The following FANCA variants were observed in gnomAD, a reference collection of about 807,000 sequenced individuals.
FANCA encodes Fanconi anemia group A protein.
Under a neutral mutation model 194.3 loss-of-function variants are expected in FANCA, and 236 were observed. That is an observed-to-expected ratio of 1.21 (90% confidence interval 1.09 to 1.35). The LOEUF (loss-of-function observed/expected upper bound fraction) is 1.35. Ranked by LOEUF, FANCA falls within the 40% of genes most tolerant of loss-of-function variation. The pLI, the probability that FANCA is intolerant of heterozygous loss-of-function variation, is 0.00. For missense variants in FANCA, 2,628 were observed against 1,813.9 expected (o/e 1.45, Z -8.15); for synonymous variants, 1,014 against 715.8 (o/e 1.42, Z -6.65).
At position 89,764,726 on chromosome 16, in the gene FANCA, C is replaced by A. The variant is rs1251694821; in HGVS notation, c.2778+164G>T. On this transcript the variant is annotated intron_variant, in intron 28 of 42. Coordinates refer to ENST00000389301, the MANE Select transcript of FANCA (RefSeq NM_000135.4). Reference sequence around the variant, plus strand: ...AGACAGTCGGCACACGCACCCTAGACTCGAGACGAGGAGACAGTCGGCACA... The same window carrying A: ...AGACAGTCGGCACACGCACCCTAGAATCGAGACGAGGAGACAGTCGGCACA... 4 of 847,124 alleles carry A rather than the reference C, an allele frequency of 4.7e-6. No homozygotes were observed. In the East Asian group the frequency reaches 1.0e-4, roughly 21 times the overall value. The allele number at this position is 847,124 out of a possible 1,614,324, so 52.5% of individuals were successfully genotyped here.
intron 11 of FANCA, among the ~76,000 whole-genome samples, chr16:89,794,035 C>T (rs887733467): frequency 6.6e-6 from 1 of 152,086 alleles, no homozygotes; most frequent in African/African-American, 2.4e-5. Flanking sequence ...CAGGCGTGAG[C>T]CACTGCTCCT....
chr16:89,774,639 A>G (rs919232744), intron 21 of FANCA, among the ~76,000 whole-genome samples: 2 of 149,868 alleles, frequency 1.3e-5, no homozygotes, highest in Non-Finnish European at 3.0e-5. Flanking sequence ...CTGAGGCAGG[A>G]GAATGGCATG....
intron 14 of FANCA, among the ~76,000 whole-genome samples, chr16:89,785,805 C>T (rs575911534): frequency 6.6e-6 from 1 of 151,206 alleles, no homozygotes; most frequent in Admixed American, 6.6e-5. Flanking sequence ...TGAACTCCAA[C>T]GTGAACTGAA....
intron 30 of FANCA, 38 bp downstream of exon 30, chr16:89,758,539 T>C (rs868690006): frequency 6.2e-7 from 1 of 1,609,028 alleles, no homozygotes; most frequent in Non-Finnish European, 8.5e-7. Context: ...ATTAGTCCTG[T>C]CCCTCCAGAG....
intron 14 of FANCA, among the ~76,000 whole-genome samples, chr16:89,787,959 C>T (rs1173682308): frequency 4.0e-5 from 6 of 151,868 alleles, no homozygotes; most frequent in South Asian, 4.2e-4. Context: ...CTGCAACCTG[C>T]GCGTTCCGGG....
At chr16:89,751,817 C>A (rs954132251) in intron 31 of FANCA, among the ~76,000 whole-genome samples, 1 of 151,258 alleles carries the variant, frequency 6.6e-6, no homozygotes, top group Non-Finnish European at 1.5e-5. Flanking sequence ...CCCGCCCAGG[C>A]TGGAGTGCAG....
chr16:89,770,404 C>T (rs904676247), intron 24 of FANCA, 145 bp from the exon 25 acceptor site: 4 of 1,007,624 alleles, frequency 4.0e-6, no homozygotes, highest in South Asian at 2.7e-5. Flanking sequence ...CCATCTTCTG[C>T]AGTGCTTCCC....
intron 11 of FANCA, among the ~76,000 whole-genome samples, chr16:89,793,107 G>A (rs1598154728): frequency 1.3e-5 from 2 of 152,156 alleles, no homozygotes; most frequent in African/African-American, 2.4e-5. Context: ...GAGCCTGACT[G>A]ATGTCAGGCC....
Position 89,775,757 on chromosome 16 carries a change from C to T in FANCA, c.1885G>A (p.Glu629Lys), listed in dbSNP as rs201894526. 6.2e-7 allele frequency: 1 copy of T among 1,612,398 alleles called. No homozygotes were observed. The highest frequency in any genetic ancestry group is 8.5e-7 in the Non-Finnish European group (1 of 1,179,176). ...STYCQACSAA[E>K]EKPEDAALGV... is the part of the protein sequence containing the mutation. Reference sequence around the variant, plus strand: ...AGGAACTTACCTTCTGGCTTCTCTTCAGCAGCAGAGCAGGCCTGGCAGTAG... The same window carrying T: ...AGGAACTTACCTTCTGGCTTCTCTTTAGCAGCAGAGCAGGCCTGGCAGTAG... Residue 629 changes from glutamate (E) to lysine (K), a missense_variant, in exon 21 of 43, where the codon GAA (glutamate) becomes AAA (lysine). By Grantham distance (56) the Glu-to-Lys change is moderately conservative (BLOSUM62 1). Coordinates refer to ENST00000389301, the MANE Select transcript of FANCA (RefSeq NM_000135.4).
intron 11 of FANCA, among the ~76,000 whole-genome samples, chr16:89,795,419 C>G (rs982499528): frequency 6.6e-6 from 1 of 151,950 alleles, no homozygotes. Context: ...GGTGGAGCAC[C>G]GAAGGTCAGG....
At chr16:89,767,343 G>A in intron 26 of FANCA, 106 bp from the exon 27 acceptor site, 3 of 814,432 alleles carry the variant, frequency 3.7e-6, no homozygotes, top group African/African-American at 1.7e-5. Flanking sequence ...ATTCCGAACT[G>A]GATGGCCTGA....
At chr16:89,785,274 GTTA>G (rs1245084494) in intron 14 of FANCA, among the ~76,000 whole-genome samples, 2 of 152,238 alleles carry the variant, frequency 1.3e-5, no homozygotes, top group African/African-American at 4.8e-5. Context: ...AAGAAAAACA[GTTA>G]AAAATCATTA....
intron 37 of FANCA, among the ~76,000 whole-genome samples, chr16:89,741,973 T>A (rs947573437): frequency 2.4e-5 from 3 of 127,282 alleles, no homozygotes; most frequent in Non-Finnish European, 4.6e-5. Flanking sequence ...TTTAAACAAA[T>A]TTTTTTTTTT....
At chr16:89,807,552 C>T (rs1407957858) in intron 6 of FANCA, among the ~76,000 whole-genome samples, 1 of 151,994 alleles carries the variant, frequency 6.6e-6, no homozygotes, top group Non-Finnish European at 1.5e-5. Context: ...GAGTTTGACA[C>T]CAGCCTGGCT....
rs752799441 is a variant in FANCA at position 89,799,634 on chromosome 16, G to A, written c.797C>T (p.Thr266Met). The change falls in exon 9 of 43, where the codon ACG becomes ATG. Residue 266 changes from threonine to methionine, a missense_variant. Coordinates refer to ENST00000389301, the MANE Select transcript of FANCA (RefSeq NM_000135.4). The stretch of plus-strand genomic sequence containing the variant: ...CAGCATTCTCTGCAGTACATCAACC[G>A]TGACCTGTCAAAATAGAATGTGAGT... ...TVEPEKMPQV[T>M]VDVLQRMLIF... 21 of 1,612,866 alleles carry A rather than the reference G, an allele frequency of 1.3e-5. No homozygotes were observed. Among genetic ancestry groups the A allele is most frequent in the Middle Eastern group, 3.3e-4 (2 of 6,062 alleles).
chr16:89,783,907 G>A (rs17232672), intron 15 of FANCA, among the ~76,000 whole-genome samples: 77,864 of 151,584 alleles, frequency 0.51, 21,803 homozygotes, highest in East Asian at 0.98. Context: ...AGGACTACGC[G>A]CGCGCTACCA....
chr16:89,816,473 G>T lies in FANCA; in HGVS notation c.79+64C>A, dbSNP rs536773326. 3.1e-4 allele frequency: 427 copies of T among 1,378,402 alleles called. 1 individual carries two copies. The African/African-American group carries it at 6.1e-3, about 20-fold the overall frequency. 85.4% of individuals were successfully genotyped at this position (1,378,402 alleles called of 1,614,324 possible). A position where few individuals can be genotyped will look rare whatever the true frequency, so the allele number is the denominator to read the frequency against. On this transcript the variant is annotated intron_variant, in intron 1 of 42. Coordinates refer to ENST00000389301, the MANE Select transcript of FANCA (RefSeq NM_000135.4). ...GGAGGCTCTGGCGGGAAGGGATCGG[G>T]GAACCGGCGAAACCGTCCCGGGCCG... is the stretch of plus-strand genomic sequence containing the variant.
chr16:89,809,320 T>C (rs959370754), intron 5 of FANCA, among the ~76,000 whole-genome samples: 4 of 152,168 alleles, frequency 2.6e-5, no homozygotes, highest in African/African-American at 9.6e-5. Context: ...TCGCACTTCT[T>C]GTGGATTTAG....
intron 3 of FANCA, among the ~76,000 whole-genome samples, chr16:89,813,209 G>A (rs2040969707): frequency 6.6e-6 from 1 of 151,826 alleles, no homozygotes; most frequent in African/African-American, 2.4e-5. Flanking sequence ...GAGCTCAGGA[G>A]TTTGAGACCA....
Sources: gnomAD v4.1 joint callset for allele counts (sites outside exome capture counted in the v4.1 genomes callset) on GRCh38, gnomAD v4.1.1 for gene constraint, MANE v1.5 for transcripts, NCBI Gene and HGNC (gene_info 2026-07-23, HGNC 2026-07-21) for gene names.